Variants in NFIX observed in about 807,000 individuals in gnomAD.
NFIX encodes nuclear factor 1 X-type.
NFIX carries 2 observed loss-of-function variants against 53.3 expected under a neutral mutation model. The observed-to-expected ratio is 0.04, with a 90% confidence interval of 0.02 to 0.12. The LOEUF is 0.12. Ranked by LOEUF, NFIX falls within the 10% of genes least tolerant of loss-of-function variation. The pLI is 1.00. For synonymous variants in NFIX, 244 were observed against 289.0 expected, an observed-to-expected ratio of 0.84 and a Z score of 1.58; for missense variants, 310 against 674.5, an observed-to-expected ratio of 0.46 and a Z score of 5.99.
At chr19:13,003,096 G>C (rs2011807751) in intron 1 of NFIX, among the ~76,000 whole-genome samples, 1 of 151,754 alleles carries the variant, frequency 6.6e-6, no homozygotes, top group African/African-American at 2.4e-5. Flanking sequence ...ATCATCTTGG[G>C]GAGTTGGGGG....
intron 8 of NFIX, chr19:13,082,254 G>A: frequency 4.8e-6 from 1 of 207,806 alleles, no homozygotes. Flanking sequence ...CCCAGTATCA[G>A]CACTGTTGAC....
chr19:13,005,924 C>A lies in NFIX; in HGVS notation c.27+10060C>A, dbSNP rs113535062. Among the ~76,000 whole-genome samples the A allele has an allele frequency of 5.0e-3, 761 of 152,348 alleles. 8 individuals are homozygous for A. The highest frequency in any genetic ancestry group is 0.017 in the African/African-American group (725 of 41,570). ...CCGCAGGTCCAAACATCCTCTCCCA[C>A]ACCTTGCTGGGCACCCAGCCGGAGC... On this transcript the variant is annotated intron_variant, in intron 1 of 10. Transcript: ENST00000592199. This position sits in a 1 kb window ranked among gnomAD's most constrained non-coding sequence, Gnocchi z 4.7.
Position 13,025,251 on chromosome 19 carries a change from G to A in NFIX, c.258G>A (p.Glu86=), listed in dbSNP as rs375310739. The stretch of plus-strand genomic sequence containing the variant: ...AGCTGCGCAAGGACATCCGGCCCGA[G>A]TTCCGCGAGGACTTCGTGCTGACCA... ...LAKLRKDIRP[E]FREDFVLTIT... Residue 86 remains glutamate, a synonymous_variant, in exon 2 of 11, where the codon GAG becomes GAA. Transcript: ENST00000592199. This position sits in a 1 kb window ranked among gnomAD's most constrained non-coding sequence, Gnocchi z 7.5. The A allele has an allele frequency of 6.2e-7, 1 of 1,614,144 alleles. No homozygotes were observed. Among genetic ancestry groups the A allele is most frequent in the South Asian group, 1.1e-5 (1 of 91,082 alleles).
At chr19:13,080,308 T>C (rs1429915332) in intron 7 of NFIX, among the ~76,000 whole-genome samples, 1 of 152,234 alleles carries the variant, frequency 6.6e-6, no homozygotes, top group African/African-American at 2.4e-5. Flanking sequence ...TTACTCAGGC[T>C]GAATGCAGTG....
At chr19:13,077,552 C>T (rs1390434709) in intron 6 of NFIX, among the ~76,000 whole-genome samples, 1 of 152,200 alleles carries the variant, frequency 6.6e-6, no homozygotes, top group Admixed American at 6.5e-5. Flanking sequence ...ATAACACCTC[C>T]GCTGGCGGCT....
chr19:13,019,119 T>TTG (rs1275790037), intron 1 of NFIX, among the ~76,000 whole-genome samples: 120 of 8,076 alleles, frequency 0.015, no homozygotes, highest in Admixed American at 0.074. Context: ...ACACATAGGA[T>TTG]TTTTTTTTTT....
intron 2 of NFIX, among the ~76,000 whole-genome samples, chr19:13,041,512 T>C (rs1010331040): frequency 2.0e-5 from 3 of 152,186 alleles, no homozygotes; most frequent in South Asian, 2.1e-4. Flanking sequence ...TAAAATTTAA[T>C]ACTGCAGGGC....
chr19:13,090,269 G>A lies in NFIX; in HGVS notation c.1403-30G>A. 2.5e-6 allele frequency: 4 copies of A among 1,610,446 alleles called. No homozygotes were observed. Among genetic ancestry groups the A allele is most frequent in the Non-Finnish European group, 2.5e-6 (3 of 1,176,772 alleles). On this transcript the variant is annotated intron_variant, in intron 9 of 10. Coordinates refer to ENST00000592199, the MANE Select transcript of NFIX (RefSeq NM_001365902.3). This position sits in a 1 kb window ranked among gnomAD's most constrained non-coding sequence, Gnocchi z 6.6. ...CAGGTGGGCCCCAAGGCCTGACAGG[G>A]TCTCTCCCTCTCTCCCCTGCTCCCC... is the stretch of plus-strand genomic sequence containing the variant.
chr19:13,061,633 G>A (rs1237481092), intron 2 of NFIX, among the ~76,000 whole-genome samples: 3 of 151,814 alleles, frequency 2.0e-5, no homozygotes, highest in Non-Finnish European at 4.4e-5. Context: ...CGTGCTGCTC[G>A]GCAGCCTGGG....
chr19:13,023,081 T>TCTCTCC (rs1379127302), intron 1 of NFIX, among the ~76,000 whole-genome samples: 1 of 150,298 alleles, frequency 6.7e-6, no homozygotes, highest in Non-Finnish European at 1.5e-5. Context: ...TCTCTCTCTC[T>TCTCTCC]CTCTCTCTCT....
At chr19:13,029,027 G>A (rs538885022) in intron 2 of NFIX, among the ~76,000 whole-genome samples, 14 of 152,272 alleles carry the variant, frequency 9.2e-5, no homozygotes, top group African/African-American at 2.4e-4. Context: ...CGCCTGCAGC[G>A]GAATCCCCAC....
Position 13,012,918 on chromosome 19 carries a change from G to A in NFIX, c.28-12103G>A, listed in dbSNP as rs2012444547. Among the ~76,000 whole-genome samples, 1 of 150,436 alleles carries A rather than the reference G, an allele frequency of 6.6e-6. No individual in the cohort carries two copies. Among genetic ancestry groups the A allele is most frequent in the Non-Finnish European group, 1.5e-5 (1 of 67,232 alleles). On this transcript the variant is annotated intron_variant, in intron 1 of 10. Coordinates refer to ENST00000592199, the MANE Select transcript of NFIX (RefSeq NM_001365902.3). The surrounding 1 kb of genome is among the most constrained non-coding windows in gnomAD (Gnocchi z 5.0). ...GGAGTAAAGGCGGGGAAATTTACCAGGGGAGATTTTTGTTTCCAGGGTTGG... is the reference window on the plus strand; with the variant it reads ...GGAGTAAAGGCGGGGAAATTTACCAAGGGAGATTTTTGTTTCCAGGGTTGG...
intron 2 of NFIX, among the ~76,000 whole-genome samples, chr19:13,029,805 C>T (rs143478005): frequency 1.2e-4 from 18 of 152,296 alleles, no homozygotes; most frequent in East Asian, 3.9e-4. Flanking sequence ...TTCTTGGTTT[C>T]GGCACTCTAG....
rs1202758115 is a variant in NFIX, at chr19:13,001,634, CCGTGTCAACTTGTGTCCACATA to C, written c.27+5780_27+5801del. Among the ~76,000 whole-genome samples, 7 of 152,182 alleles carry C rather than the reference CCGTGTCAACTTGTGTCCACATA, an allele frequency of 4.6e-5. No individual in the cohort carries two copies. The highest frequency in any genetic ancestry group is 9.7e-5 in the African/African-American group (4 of 41,442). ...GTGTCTCACACACGTGTTGGCCTGT[CCGTGTCAACTTGTGTCCACATA>C]CGTGTCAACGCACGTGTCTCCAGTG... is the stretch of plus-strand genomic sequence containing the variant. On this transcript the variant is annotated intron_variant, in intron 1 of 10. Transcript: ENST00000592199. The surrounding 1 kb of genome is among the most constrained non-coding windows in gnomAD (Gnocchi z 6.5).
intron 1 of NFIX, among the ~76,000 whole-genome samples, chr19:13,017,250 C>CGGTGTCA (rs1440720623): frequency 6.6e-6 from 1 of 152,254 alleles, no homozygotes; most frequent in East Asian, 1.9e-4. Context: ...AAAGCACCCC[C>CGGTGTCA]GGTGTCATTC....
Position 13,088,156 on chromosome 19 carries a change from G to A in NFIX, c.1402+20G>A, listed in dbSNP as rs377190827. 1.3e-6 allele frequency: 2 copies of A among 1,536,154 alleles called. No individual in the cohort carries two copies. Among genetic ancestry groups the A allele is most frequent in the East Asian group, 2.4e-5 (1 of 40,902 alleles). On this transcript the variant is annotated intron_variant, in intron 9 of 10. Transcript: ENST00000592199. This position sits in a 1 kb window ranked among gnomAD's most constrained non-coding sequence, Gnocchi z 5.9. ...CACCTTGTAAGTGGACGATGAAACC[G>A]AAACCACAACGCCCAGCGTCCCCGG...
intron 1 of NFIX, among the ~76,000 whole-genome samples, chr19:13,000,329 C>T (rs1011113518): frequency 2.6e-5 from 4 of 151,992 alleles, no homozygotes; most frequent in Non-Finnish European, 1.5e-5. Flanking sequence ...TGTCAACCTC[C>T]CAGACCCTCC....
chr19:13,079,741 T>C (rs1200839317), intron 7 of NFIX, among the ~76,000 whole-genome samples: 1 of 152,218 alleles, frequency 6.6e-6, no homozygotes, highest in Non-Finnish European at 1.5e-5. Flanking sequence ...CGGCTCCACC[T>C]CAGCTTTTAT....
In NFIX at chr19:13,073,581, T is replaced by C. The variant is rs1046900118; in HGVS notation, c.697+85T>C. 1 of 1,224,092 alleles carries C rather than the reference T, an allele frequency of 8.2e-7. No homozygotes were observed. The highest frequency in any genetic ancestry group is 1.5e-5 in the African/African-American group (1 of 67,120). The allele number at this position is 1,224,092 out of a possible 1,614,324, so 75.8% of individuals were successfully genotyped here. A position where few individuals can be genotyped will look rare whatever the true frequency, so the allele number is the denominator to read the frequency against. ...CATGGGATGTCCTCCTAATGGGGTC[T>C]TAGGGCAGGTGGATGGGAACAGATG... On this transcript the variant is annotated intron_variant, in intron 4 of 10. Coordinates refer to ENST00000592199, the MANE Select transcript of NFIX (RefSeq NM_001365902.3). The surrounding 1 kb of genome is among the most constrained non-coding windows in gnomAD (Gnocchi z 4.5).
Sources: gnomAD v4.1 joint callset for allele counts (sites outside exome capture counted in the v4.1 genomes callset) on GRCh38, gnomAD v4.1.1 for gene constraint, Gnocchi (gnomAD v3.1) non-coding constraint, MANE v1.5 for transcripts, NCBI Gene and HGNC (gene_info 2026-07-23, HGNC 2026-07-21) for gene names.